PICALM: variants seen among roughly 807,000 people sequenced by gnomAD.
The protein encoded by PICALM is phosphatidylinositol-binding clathrin assembly protein.
A neutral mutation model predicts 80.5 loss-of-function variants in PICALM; 40 were observed. The ratio of observed to expected loss-of-function variants is 0.50; its 90% CI spans 0.39 to 0.65. The LOEUF (loss-of-function observed/expected upper bound fraction) is 0.65, where lower values mean the gene tolerates loss of function less well. Among genes scored for constraint, PICALM ranks in the 30% least tolerant of loss-of-function variants. The pLI, the probability that PICALM is intolerant of heterozygous loss-of-function variation, is 0.00. For missense variants in PICALM, 676 were observed against 778.9 expected (o/e 0.87, Z 1.57); for synonymous variants, 288 against 260.3 (o/e 1.11, Z -1.02).
At chr11:85,988,479 CA>C (rs2094648888) in intron 13 of PICALM, among the ~76,000 whole-genome samples, 1 of 151,978 alleles carries the variant, frequency 6.6e-6, no homozygotes, top group Non-Finnish European at 1.5e-5. Context: ...TATCTAGCTC[CA>C]AATGAGCTGG....
chr11:86,012,852 T>C (rs1238919416), intron 5 of PICALM, among the ~76,000 whole-genome samples: 1 of 151,922 alleles, frequency 6.6e-6, no homozygotes, highest in Non-Finnish European at 1.5e-5. Flanking sequence ...ATAAATAAAG[T>C]AAATGAAAAC....
At chr11:85,978,360 C>T (rs946028982) in intron 17 of PICALM, 11 of 248,676 alleles carry the variant, frequency 4.4e-5, no homozygotes, top group Non-Finnish European at 7.1e-5. Flanking sequence ...TCAATTCTAT[C>T]AACAGTGTCA....
At chr11:86,017,962 A>C (rs2095506409) in intron 4 of PICALM, among the ~76,000 whole-genome samples, 1 of 152,206 alleles carries the variant, frequency 6.6e-6, no homozygotes, top group African/African-American at 2.4e-5. Context: ...AAATGCTAAA[A>C]ACTGGTGGTT....
chr11:86,020,217 TGAAAA>T (rs55638286), intron 4 of PICALM, among the ~76,000 whole-genome samples: 24,581 of 151,740 alleles, frequency 0.16, 2,524 homozygotes, highest in Middle Eastern at 0.24. Context: ...CTGAAAGAAA[TGAAAA>T]AAGATCCAAA....
intron 12 of PICALM, among the ~76,000 whole-genome samples, chr11:85,995,134 G>A (rs528980581): frequency 2.6e-5 from 4 of 152,002 alleles, no homozygotes; most frequent in Non-Finnish European, 5.9e-5. Context: ...AACTTTCTTG[G>A]CTTAAAGTAC....
rs768978248 is a variant in PICALM, at chr11:85,983,887, T to C, written c.1495A>G (p.Asn499Asp). The change falls in exon 14 of 20, where the codon AAT (asparagine) becomes GAT (aspartate). Residue 499 changes from asparagine (N) to aspartate (D), a missense_variant. By Grantham distance (23) the Asn-to-Asp change is conservative. Coordinates refer to ENST00000393346, the MANE Select transcript of PICALM (RefSeq NM_007166.4). ...TTACCCCCAGAATCTACAATAACAT[T>C]TGTAGATTTATTTCCAAACACAGAT... ...FESVFGNKST[N>D]VIVDSGGFDE... 49 of 1,562,242 alleles carry C rather than the reference T, an allele frequency of 3.1e-5. 1 individual carries two copies. The highest frequency in any genetic ancestry group is 1.7e-4 in the Middle Eastern group (1 of 6,006).
At chr11:86,054,102 C>T (rs1416931108) in intron 1 of PICALM, among the ~76,000 whole-genome samples, 1 of 152,116 alleles carries the variant, frequency 6.6e-6, no homozygotes. Flanking sequence ...CCCAGACAAG[C>T]CCACAAAAGC....
intron 11 of PICALM, among the ~76,000 whole-genome samples, chr11:85,997,750 C>A (rs565012482): frequency 2.0e-5 from 3 of 152,302 alleles, no homozygotes; most frequent in Admixed American, 6.5e-5. Context: ...GGATTACAGG[C>A]GTGAGCCACT....
At chr11:85,990,115 G>A in intron 13 of PICALM, 135 bp downstream of exon 13, 1 of 432,204 alleles carries the variant, frequency 2.3e-6, no homozygotes, top group Non-Finnish European at 4.0e-6. Flanking sequence ...ACTACATTAT[G>A]GCTGGTTAGT....
At chr11:86,068,042 T>C (rs2096470819) in intron 1 of PICALM, among the ~76,000 whole-genome samples, 1 of 152,106 alleles carries the variant, frequency 6.6e-6, no homozygotes, top group African/African-American at 2.4e-5. Context: ...GAAACTACAC[T>C]GAAGCTACTA....
chr11:86,069,206 C>T (rs12292120), upstream of PICALM: 4,529 of 185,958 alleles, frequency 0.024, 224 homozygotes, highest in African/African-American at 0.1. Flanking sequence ...CGCCCTCCCT[C>T]GCTCAGCGAG....
chr11:86,045,519 C>CAAAAAAAA (rs71040207), intron 1 of PICALM, among the ~76,000 whole-genome samples: 723 of 47,786 alleles, frequency 0.015, 72 homozygotes, highest in Non-Finnish European at 0.025. Flanking sequence ...TCTTGAAATT[C>CAAAAAAAA]AAAAAAAAAA....
At chr11:86,038,508 C>A (rs2095882464) in intron 1 of PICALM, among the ~76,000 whole-genome samples, 2 of 151,984 alleles carry the variant, frequency 1.3e-5, no homozygotes, top group Non-Finnish European at 2.9e-5. Flanking sequence ...CCTGGCCGGG[C>A]ACGGTGGCTC....
At chr11:85,991,908 T>A (rs1221445280) in intron 12 of PICALM, among the ~76,000 whole-genome samples, 1 of 152,178 alleles carries the variant, frequency 6.6e-6, no homozygotes, top group Non-Finnish European at 1.5e-5. Context: ...CCAGGCAGAC[T>A]GCAGTGGTAC....
intron 8 of PICALM, chr11:86,003,857 G>A (rs544483517): frequency 2.0e-4 from 31 of 153,726 alleles, no homozygotes; most frequent in Non-Finnish European, 2.5e-4. Context: ...AAATGACACT[G>A]AACACTGTCA....
At chr11:86,003,326 A>G in intron 9 of PICALM, 40 bp downstream of exon 9, 1 of 1,272,744 alleles carries the variant, frequency 7.9e-7, no homozygotes, top group Non-Finnish European at 1.1e-6. Context: ...CTGCCTCAGA[A>G]AAATCACTCT....
At chr11:85,986,472 G>A (rs1265111549) in intron 13 of PICALM, among the ~76,000 whole-genome samples, 2 of 138,680 alleles carry the variant, frequency 1.4e-5, no homozygotes, top group Non-Finnish European at 1.5e-5. Context: ...CTCACTGCAA[G>A]CTCCACTTCC....
At chr11:86,065,333 C>A (rs181409348) in intron 1 of PICALM, among the ~76,000 whole-genome samples, 124 of 152,010 alleles carry the variant, frequency 8.2e-4, no homozygotes, top group Non-Finnish European at 1.5e-3. Context: ...GTAGTCACAG[C>A]TACTCAAGAG....
intron 3 of PICALM, among the ~76,000 whole-genome samples, chr11:86,024,180 A>T (rs1024623785): frequency 2.3e-4 from 35 of 150,600 alleles, no homozygotes; most frequent in Non-Finnish European, 4.4e-4. Flanking sequence ...GAAAAAAAAA[A>T]TTTTTTTTTC....
Sources: gnomAD v4.1 joint callset for allele counts (sites outside exome capture counted in the v4.1 genomes callset) on GRCh38, gnomAD v4.1.1 for gene constraint, MANE v1.5 for transcripts, NCBI Gene and HGNC (gene_info 2026-07-23, HGNC 2026-07-21) for gene names.